PSD3: variants seen among roughly 807,000 people sequenced by gnomAD.
PSD3 encodes pleckstrin and Sec7 domain containing 3, also known as PH and SEC7 domain-containing protein 3.
PSD3 carries 49 observed loss-of-function variants against 105.5 expected under a neutral mutation model. The observed-to-expected ratio is 0.46, with a 90% CI of 0.37 to 0.59. The LOEUF is 0.59. Ranked by LOEUF, PSD3 falls within the 20% of genes least tolerant of loss-of-function variation. The pLI, the probability that PSD3 is intolerant of heterozygous loss-of-function variation, is 0.00. For synonymous variants in PSD3, 557 were observed against 457.8 expected (o/e 1.22, Z -2.77); for missense variants, 1,561 against 1,263.8 (o/e 1.24, Z -3.57).
intron 11 of PSD3, among the ~76,000 whole-genome samples, chr8:18,623,446 CCCAAAAAAAAAAAAAA>C (rs1349279197): frequency 3.0e-4 from 17 of 57,078 alleles, no homozygotes; most frequent in African/African-American, 1.1e-3. Context: ...CCCCCGTCTC[CCCAAAAAAAAAAAAAA>C]AAAAAAAAGA....
At chr8:18,610,252 G>A (rs1805157891) in intron 11 of PSD3, among the ~76,000 whole-genome samples, 1 of 152,162 alleles carries the variant, frequency 6.6e-6, no homozygotes, top group African/African-American at 2.4e-5. Context: ...TGGATGAACT[G>A]CAACCTAACT....
chr8:18,693,666 TG>T lies in PSD3; in HGVS notation c.2173-37982del, dbSNP rs1231137993. On this transcript the variant is annotated intron_variant, in intron 9 of 15. Coordinates refer to ENST00000327040, the MANE Select transcript of PSD3 (RefSeq NM_015310.4). Reference sequence around the variant, plus strand: ...TGACAGAGCCCCCCTGTTGCAGTTGTGGTGGCAACTGCAGGCTACTAGCCCC... The same window carrying T: ...TGACAGAGCCCCCCTGTTGCAGTTGTGTGGCAACTGCAGGCTACTAGCCCC... 2.6e-5 allele frequency among the ~76,000 whole-genome samples: 4 copies of T among 152,196 alleles called. No individual in the cohort carries two copies. In the East Asian group the frequency reaches 7.7e-4, roughly 29 times the overall value.
chr8:18,750,836 C>A (rs1351906832), intron 9 of PSD3, among the ~76,000 whole-genome samples: 1 of 152,124 alleles, frequency 6.6e-6, no homozygotes, highest in African/African-American at 2.4e-5. Context: ...CACTCACAAA[C>A]CCTGAGCTAG....
In PSD3 at chr8:18,851,076, C is replaced by T. The variant is rs552042422; in HGVS notation, c.1634+16598G>A. On this transcript the variant is annotated intron_variant, in intron 4 of 15. Coordinates refer to ENST00000327040, the MANE Select transcript of PSD3 (RefSeq NM_015310.4). Reference sequence around the variant, plus strand: ...GCGAAGCATCAACAGTTCAGTCTATCTCAACAGGTAAGAGGAATAAGCCAC... The same window carrying T: ...GCGAAGCATCAACAGTTCAGTCTATTTCAACAGGTAAGAGGAATAAGCCAC... Among the ~76,000 whole-genome samples, 222 of 152,306 alleles carry T rather than the reference C, an allele frequency of 1.5e-3. 4 individuals are homozygous for T. The Middle Eastern group carries it at 0.017, about 12-fold the overall frequency.
At chr8:19,083,477 C>T (rs1196839760) in intron 1 of PSD3, among the ~76,000 whole-genome samples, 1 of 152,224 alleles carries the variant, frequency 6.6e-6, no homozygotes, top group Non-Finnish European at 1.5e-5. Flanking sequence ...GGAGGCCACA[C>T]AGGGCTGCCT....
intron 1 of PSD3, among the ~76,000 whole-genome samples, chr8:19,072,889 G>T (rs376041788): frequency 8.5e-5 from 13 of 152,170 alleles, no homozygotes; most frequent in Non-Finnish European, 1.5e-4. Context: ...TCAAGTGAAC[G>T]TGAAAATGCA....
At chr8:18,874,018 T>A (rs1277269783) in intron 2 of PSD3, among the ~76,000 whole-genome samples, 1 of 152,238 alleles carries the variant, frequency 6.6e-6, no homozygotes, top group Admixed American at 6.5e-5. Context: ...TGTAGTCCTA[T>A]CAGCCCTAGT....
intron 9 of PSD3, among the ~76,000 whole-genome samples, chr8:18,757,825 C>G (rs1205796916): frequency 6.6e-6 from 1 of 152,130 alleles, no homozygotes; most frequent in Non-Finnish European, 1.5e-5. Context: ...TTTCTTAAAA[C>G]GTCAGTGTTT....
At chr8:18,868,399 C>T (rs1375753849) in intron 3 of PSD3, among the ~76,000 whole-genome samples, 2 of 152,156 alleles carry the variant, frequency 1.3e-5, no homozygotes, top group Non-Finnish European at 2.9e-5. Context: ...TTTGCAACTA[C>T]CAGCATTCCT....
chr8:18,847,034 C>T (rs1815148447), intron 4 of PSD3, among the ~76,000 whole-genome samples: 1 of 152,166 alleles, frequency 6.6e-6, no homozygotes, highest in African/African-American at 2.4e-5. Context: ...ATACCCATGT[C>T]CTGGATAAGC....
At chr8:18,596,516 T>C (rs764115668) in intron 12 of PSD3, among the ~76,000 whole-genome samples, 20 of 150,378 alleles carry the variant, frequency 1.3e-4, no homozygotes, top group Admixed American at 2.6e-4. Context: ...ATAAAAGAAA[T>C]AGAGAAATGA....
intron 9 of PSD3, among the ~76,000 whole-genome samples, chr8:18,764,968 A>G (rs1276791321): frequency 6.6e-6 from 1 of 152,214 alleles, no homozygotes; most frequent in Non-Finnish European, 1.5e-5. Flanking sequence ...GTTACCAATA[A>G]TAAAGCCAAA....
chr8:18,904,940 T>C (rs1373153487), intron 2 of PSD3, among the ~76,000 whole-genome samples: 1 of 152,240 alleles, frequency 6.6e-6, no homozygotes, highest in Non-Finnish European at 1.5e-5. Flanking sequence ...TTTTGCAATC[T>C]GGCTACTAAC....
chr8:18,600,873 G>A (rs1017283610), intron 11 of PSD3, among the ~76,000 whole-genome samples: 1 of 152,140 alleles, frequency 6.6e-6, no homozygotes, highest in African/African-American at 2.4e-5. Context: ...TAGAAATCAC[G>A]AAGTAGTCTC....
In PSD3 at chr8:18,888,247, T is replaced by C. The variant is rs141650427; in HGVS notation, c.131-15514A>G. The stretch of plus-strand genomic sequence containing the variant: ...GCACCTAGAGACAGCACCAGGGTAG[T>C]GGAAATACACCCAGAAACAGAAGCT... On this transcript the variant is annotated intron_variant, in intron 2 of 15. Transcript: ENST00000327040. Among the ~76,000 whole-genome samples, 220 of 152,196 alleles carry C rather than the reference T, an allele frequency of 1.4e-3. 2 individuals carry two copies. Among genetic ancestry groups the C allele is most frequent in the African/African-American group, 5.2e-3 (214 of 41,528 alleles).
At chr8:18,620,342 G>GT (rs57785765) in intron 11 of PSD3, among the ~76,000 whole-genome samples, 4,109 of 121,698 alleles carry the variant, frequency 0.034, 287 homozygotes, top group East Asian at 0.22. Context: ...TTGGGTTTGT[G>GT]TTTTTTTTTT....
intron 1 of PSD3, among the ~76,000 whole-genome samples, chr8:19,065,609 G>C (rs1448024428): frequency 6.6e-6 from 1 of 152,156 alleles, no homozygotes; most frequent in South Asian, 2.1e-4. Flanking sequence ...ATTACAAAGG[G>C]TATTACAACC....
At chr8:18,974,876 A>G (rs542744595) in intron 1 of PSD3, among the ~76,000 whole-genome samples, 1 of 152,104 alleles carries the variant, frequency 6.6e-6, no homozygotes, top group East Asian at 1.9e-4. Context: ...GAAAGGGTGG[A>G]CCGCAGTGCT....
intron 1 of PSD3, among the ~76,000 whole-genome samples, chr8:18,975,240 T>A (rs1485022145): frequency 4.6e-5 from 7 of 152,158 alleles, no homozygotes. Flanking sequence ...ATAAAATAGT[T>A]GCAGAAAAAT....
Sources: gnomAD v4.1 joint callset for allele counts (sites outside exome capture counted in the v4.1 genomes callset) on GRCh38, gnomAD v4.1.1 for gene constraint, MANE v1.5 for transcripts, NCBI Gene and HGNC (gene_info 2026-07-23, HGNC 2026-07-21) for gene names.